Variants in LEF1 observed in about 807,000 individuals in gnomAD.
The protein encoded by LEF1 is lymphoid enhancer binding factor 1.
A neutral mutation model predicts 51.2 loss-of-function variants in LEF1; 14 were observed. That is an observed-to-expected ratio of 0.27 (90% confidence interval 0.18 to 0.43). The LOEUF (loss-of-function observed/expected upper bound fraction) is 0.43, where lower values mean the gene tolerates loss of function less well. Ranked by LOEUF, LEF1 falls within the 20% of genes least tolerant of loss-of-function variation. The probability of loss-of-function intolerance (pLI) is 1.00; values close to 1 mark genes in which losing one functional copy is unlikely to be tolerated. For synonymous variants in LEF1, 185 were observed against 183.2 expected (o/e 1.01, Z -0.08); for missense variants, 386 against 512.0 (o/e 0.75, Z 2.37).
At chr4:108,112,052 C>G (rs2110316556) in intron 3 of LEF1, among the ~76,000 whole-genome samples, 1 of 152,294 alleles carries the variant, frequency 6.6e-6, no homozygotes, top group East Asian at 1.9e-4. Context: ...AGCTAGTGAT[C>G]TGAGTATGCA....
chr4:108,082,667 T>C (rs1739387023), intron 5 of LEF1, among the ~76,000 whole-genome samples: 1 of 152,066 alleles, frequency 6.6e-6, no homozygotes, highest in African/African-American at 2.4e-5. Context: ...ATGTTGTGGG[T>C]TAATCATAAA....
chr4:108,078,102 CAT>C, intron 8 of LEF1, 116 bp downstream of exon 8: 1 of 904,954 alleles, frequency 1.1e-6, no homozygotes, highest in South Asian at 1.6e-5. Flanking sequence ...TGCATCATAT[CAT>C]ATCTTGAAGT....
chr4:108,111,554 T>C (rs1314735071), intron 3 of LEF1, among the ~76,000 whole-genome samples: 1 of 152,172 alleles, frequency 6.6e-6, no homozygotes, highest in African/African-American at 2.4e-5. Context: ...TTTATTACCA[T>C]TTACCTTATT....
intron 3 of LEF1, among the ~76,000 whole-genome samples, chr4:108,108,936 G>T (rs1741350505): frequency 6.6e-6 from 1 of 152,128 alleles, no homozygotes. Context: ...CTGCAACCAG[G>T]AATACAGGAT....
chr4:108,167,657 G>A lies in LEF1; in HGVS notation c.111C>T (p.Ile37=). 3 of 1,614,216 alleles carry A rather than the reference G, an allele frequency of 1.9e-6. No homozygotes were observed. Among genetic ancestry groups the A allele is most frequent in the Non-Finnish European group, 2.5e-6 (3 of 1,180,030 alleles). ...CTTCGGGATGACTGATCTCGGCGAA[G>A]ATCTTTTCCTTCTGAGGATCGCCCT... ...KDEGDPQKEK[I]FAEISHPEEE... Residue 37 remains isoleucine (I), a synonymous_variant, in exon 1 of 12, where the codon ATC becomes ATT. Transcript: ENST00000265165. This position sits in a 1 kb window ranked among gnomAD's most constrained non-coding sequence, Gnocchi z 5.7.
At chr4:108,164,958 G>A (rs1424139292) in intron 2 of LEF1, 139 bp downstream of exon 2, 3 of 658,976 alleles carry the variant, frequency 4.6e-6, no homozygotes, top group Non-Finnish European at 5.3e-6. Flanking sequence ...AGTTTCCTGC[G>A]TTTTCTTTAC....
chr4:108,151,121 G>A (rs1039142820), intron 3 of LEF1, among the ~76,000 whole-genome samples: 2 of 152,162 alleles, frequency 1.3e-5, no homozygotes, highest in African/African-American at 2.4e-5. Flanking sequence ...ACTCATGAAT[G>A]CCTGTCTTCA....
intron 3 of LEF1, among the ~76,000 whole-genome samples, chr4:108,160,579 C>T (rs1383992569): frequency 6.6e-6 from 1 of 152,134 alleles, no homozygotes; most frequent in African/African-American, 2.4e-5. Context: ...GGTATAGACA[C>T]ATTCACACCC....
chr4:108,113,360 C>T (rs1163816585), intron 3 of LEF1, among the ~76,000 whole-genome samples: 6 of 151,910 alleles, frequency 3.9e-5, no homozygotes, highest in East Asian at 1.9e-4. Flanking sequence ...TGCAGATCTC[C>T]GCAGCTGTGT....
intron 9 of LEF1, chr4:108,070,424 T>C (rs988411961): frequency 1.2e-5 from 4 of 326,264 alleles, no homozygotes; most frequent in African/African-American, 8.5e-5. Flanking sequence ...AATAATAAGG[T>C]ATTAGTTTAT....
At chr4:108,114,597 G>A (rs1024068276) in intron 3 of LEF1, among the ~76,000 whole-genome samples, 1 of 152,190 alleles carries the variant, frequency 6.6e-6, no homozygotes, top group East Asian at 1.9e-4. Context: ...AGATGTGGAC[G>A]TTTAAGTGTG....
chr4:108,083,271 C>A, intron 5 of LEF1, 85 bp downstream of exon 5: 1 of 909,736 alleles, frequency 1.1e-6, no homozygotes, highest in Admixed American at 1.7e-5. Flanking sequence ...ACAAGTGTTA[C>A]CATTCATAAA....
intron 9 of LEF1, among the ~76,000 whole-genome samples, chr4:108,066,092 G>A (rs370069253): frequency 1.3e-5 from 2 of 152,054 alleles, no homozygotes; most frequent in African/African-American, 2.4e-5. Flanking sequence ...TGGTAAATAC[G>A]GAGTTTCACC....
intron 1 of LEF1, among the ~76,000 whole-genome samples, chr4:108,165,919 T>TC (rs1164048979): frequency 1.3e-5 from 2 of 152,170 alleles, no homozygotes; most frequent in Non-Finnish European, 2.9e-5. Flanking sequence ...CCGAGTGCTC[T>TC]CGGATTCGAA....
rs1742396840 is a variant in LEF1 at position 108,124,560 on chromosome 4, G to C, written c.415-35303C>G. Among the ~76,000 whole-genome samples the C allele has an allele frequency of 2.0e-5, 3 of 152,040 alleles. No individual in the cohort carries two copies. The South Asian group carries it at 6.2e-4, about 32-fold the overall frequency. The stretch of plus-strand genomic sequence containing the variant: ...AATTTTTGTATTTTTAATAGAGGCA[G>C]GGTTTCACCATGTTGGCCAGGCTGG... On this transcript the variant is annotated intron_variant, in intron 3 of 11. Transcript: ENST00000265165.
intron 3 of LEF1, among the ~76,000 whole-genome samples, chr4:108,125,496 C>T (rs1003206860): frequency 6.6e-6 from 1 of 152,092 alleles, no homozygotes; most frequent in Non-Finnish European, 1.5e-5. Context: ...ATGACTCGAG[C>T]TCTTTTAACT....
intron 3 of LEF1, among the ~76,000 whole-genome samples, chr4:108,111,185 T>C (rs991385380): frequency 6.6e-6 from 1 of 152,210 alleles, no homozygotes; most frequent in East Asian, 1.9e-4. Flanking sequence ...TAAGGACAAA[T>C]GAAGAAATGC....
chr4:108,141,568 T>C (rs562918023), intron 3 of LEF1, among the ~76,000 whole-genome samples: 2 of 152,350 alleles, frequency 1.3e-5, no homozygotes, highest in African/African-American at 2.4e-5. Context: ...TCTGCCTGAA[T>C]AGAGACCTCT....
intron 11 of LEF1, among the ~76,000 whole-genome samples, chr4:108,061,348 G>A (rs1032119961): frequency 2.6e-5 from 4 of 152,276 alleles, no homozygotes; most frequent in South Asian, 2.1e-4. Flanking sequence ...AGAAAAAGAT[G>A]TTTGGGATAC....
Sources: gnomAD v4.1 joint callset for allele counts (sites outside exome capture counted in the v4.1 genomes callset) on GRCh38, gnomAD v4.1.1 for gene constraint, Gnocchi (gnomAD v3.1) non-coding constraint, MANE v1.5 for transcripts, NCBI Gene and HGNC (gene_info 2026-07-23, HGNC 2026-07-21) for gene names.